Variants in PRR5L observed in about 807,000 individuals in gnomAD.
PRR5L encodes the protein proline rich 5 like.
PRR5L carries 21 observed loss-of-function variants against 36.4 expected under a neutral mutation model. That is an observed-to-expected ratio of 0.58 (90% confidence interval 0.41 to 0.83). The LOEUF is 0.83. Among genes scored for constraint, PRR5L ranks in the 40% least tolerant of loss-of-function variants. PRR5L has a pLI of 0.00. For synonymous variants in PRR5L, 188 were observed against 197.0 expected (o/e 0.95, Z 0.38); for missense variants, 381 against 473.3 (o/e 0.80, Z 1.81).
chr11:36,383,695 CTTTTT>C (rs34900545), intron 1 of PRR5L, among the ~76,000 whole-genome samples: 2 of 109,250 alleles, frequency 1.8e-5, no homozygotes, highest in Non-Finnish European at 3.9e-5. Context: ...CTTTCTTTTC[CTTTTT>C]TTTTTTTTTT....
At chr11:36,446,577 G>T in intron 7 of PRR5L, 137 bp downstream of exon 7, 1 of 1,031,132 alleles carries the variant, frequency 9.7e-7, no homozygotes, top group Non-Finnish European at 1.4e-6. Flanking sequence ...TTGTTGGCCC[G>T]TGTTCATTCA....
At chr11:36,440,229 TC>T (rs377759020) in intron 6 of PRR5L, among the ~76,000 whole-genome samples, 167 of 151,948 alleles carry the variant, frequency 1.1e-3, no homozygotes, top group African/African-American at 3.9e-3. Context: ...AGATAAAACC[TC>T]CCCCCCACCT....
intron 1 of PRR5L, among the ~76,000 whole-genome samples, chr11:36,400,141 G>T (rs1460831784): frequency 6.6e-6 from 1 of 152,222 alleles, no homozygotes; most frequent in Non-Finnish European, 1.5e-5. Flanking sequence ...GAGGGAAAAA[G>T]GAAGAGAATT....
At chr11:36,345,897 A>C (rs1351931018) in intron 1 of PRR5L, among the ~76,000 whole-genome samples, 1 of 152,194 alleles carries the variant, frequency 6.6e-6, no homozygotes. Context: ...CTAAAAGTAT[A>C]ATTCCTTTCA....
chr11:36,298,942 G>A (rs1455743930), intron 1 of PRR5L, among the ~76,000 whole-genome samples: 1 of 152,148 alleles, frequency 6.6e-6, no homozygotes, highest in African/African-American at 2.4e-5. Context: ...GAGGATTAAG[G>A]CCTACCCTAA....
intron 3 of PRR5L, among the ~76,000 whole-genome samples, chr11:36,405,775 G>A (rs867991973): frequency 1.6e-4 from 24 of 152,214 alleles, no homozygotes; most frequent in Middle Eastern, 3.4e-3. Context: ...TCAAGGTGCC[G>A]GTCATTTACA....
At chr11:36,426,705 G>T (rs570354357) in intron 4 of PRR5L, among the ~76,000 whole-genome samples, 1 of 152,204 alleles carries the variant, frequency 6.6e-6, no homozygotes, top group Non-Finnish European at 1.5e-5. Flanking sequence ...ATGTGAGAAG[G>T]CAGGAAAAGA....
chr11:36,327,091 G>T lies in PRR5L; in HGVS notation c.-126+30653G>T, dbSNP rs141992883. 3.7e-3 allele frequency among the ~76,000 whole-genome samples: 565 copies of T among 152,328 alleles called. 8 individuals carry two copies. Among genetic ancestry groups the T allele is most frequent in the African/African-American group, 0.013 (539 of 41,570 alleles). ...TATTAATTTAACACAACCTGTGGAAGCAGTCTCTGTTTCATTTACACTGTG... is the reference window on the plus strand; with the variant it reads ...TATTAATTTAACACAACCTGTGGAATCAGTCTCTGTTTCATTTACACTGTG... On this transcript the variant is annotated intron_variant, in intron 1 of 8. Coordinates refer to ENST00000530639, the MANE Select transcript of PRR5L (RefSeq NM_001160167.2).
intron 1 of PRR5L, among the ~76,000 whole-genome samples, chr11:36,367,711 A>G (rs1857157743): frequency 6.6e-6 from 1 of 151,404 alleles, no homozygotes; most frequent in Admixed American, 6.6e-5. Context: ...AGCCCAAGCC[A>G]GGCTTCATGG....
intron 3 of PRR5L, among the ~76,000 whole-genome samples, chr11:36,413,854 C>A (rs144763504): frequency 1.0e-5 from 1 of 96,900 alleles, no homozygotes; most frequent in Non-Finnish European, 1.9e-5. Context: ...TAATGCTATC[C>A]CTCCCCCCTC....
At chr11:36,395,095 A>G (rs1857631266) in intron 1 of PRR5L, among the ~76,000 whole-genome samples, 1 of 152,238 alleles carries the variant, frequency 6.6e-6, no homozygotes, top group African/African-American at 2.4e-5. Context: ...CAGAAGTTCC[A>G]TTGCTGAGAA....
intron 5 of PRR5L, 116 bp from the exon 6 acceptor site, chr11:36,437,269 G>GT (rs1404989970): frequency 5.0e-6 from 4 of 807,384 alleles, no homozygotes; most frequent in Non-Finnish European, 8.8e-6. Context: ...CTGGCTGCAA[G>GT]TTTTTTAGCA....
intron 4 of PRR5L, among the ~76,000 whole-genome samples, chr11:36,427,179 C>A (rs1178346792): frequency 2.0e-5 from 3 of 152,154 alleles, no homozygotes; most frequent in Non-Finnish European, 4.4e-5. Flanking sequence ...GCCCGTTTTT[C>A]TATGTCTTAG....
chr11:36,361,372 A>G (rs1454039811), intron 1 of PRR5L, among the ~76,000 whole-genome samples: 1 of 152,230 alleles, frequency 6.6e-6, no homozygotes, highest in African/African-American at 2.4e-5. Context: ...TTTTCATAAA[A>G]ATACATTACT....
intron 1 of PRR5L, among the ~76,000 whole-genome samples, chr11:36,343,152 CT>C (rs1856832726): frequency 6.6e-6 from 1 of 152,106 alleles, no homozygotes; most frequent in African/African-American, 2.4e-5. Context: ...ATGTGACTGG[CT>C]TGTGTGATTT....
chr11:36,349,642 G>A (rs1415877653), intron 1 of PRR5L, among the ~76,000 whole-genome samples: 2 of 152,202 alleles, frequency 1.3e-5, no homozygotes, highest in Admixed American at 6.5e-5. Context: ...CAGTGTGTTT[G>A]AGGCACATCT....
At chr11:36,391,700 G>A (rs765016835) in intron 1 of PRR5L, among the ~76,000 whole-genome samples, 42 of 152,158 alleles carry the variant, frequency 2.8e-4, no homozygotes, top group Non-Finnish European at 4.9e-4. Context: ...TTTAATTTTT[G>A]TGGGTACTTA....
chr11:36,421,084 C>A (rs1168865148), intron 4 of PRR5L, among the ~76,000 whole-genome samples: 3 of 152,176 alleles, frequency 2.0e-5, no homozygotes, highest in African/African-American at 4.8e-5. Context: ...TCTTCTCTTG[C>A]TGTCTCTACT....
intron 8 of PRR5L, among the ~76,000 whole-genome samples, chr11:36,452,986 A>C (rs1402853680): frequency 6.6e-6 from 1 of 152,230 alleles, no homozygotes; most frequent in Non-Finnish European, 1.5e-5. Context: ...ACAAAAAATA[A>C]ATTTCTAGAG....
Sources: allele counts gnomAD v4.1 joint callset (sites outside exome capture counted in the v4.1 genomes callset), GRCh38; gene constraint gnomAD v4.1.1; transcripts MANE v1.5; gene names NCBI Gene and HGNC (gene_info 2026-07-23, HGNC 2026-07-21).